The following POU6F2 variants were observed in gnomAD, a reference collection of about 807,000 sequenced individuals.
POU6F2 encodes POU class 6 homeobox 2.
Under a neutral mutation model 71.3 loss-of-function variants are expected in POU6F2, and 31 were observed. The observed-to-expected ratio is 0.43, with a 90% CI of 0.33 to 0.59. The LOEUF is 0.59. Ranked by LOEUF, POU6F2 falls within the 20% of genes least tolerant of loss-of-function variation. The pLI is 0.04. For synonymous variants in POU6F2, 347 were observed against 355.7 expected (o/e 0.98, Z 0.27); for missense variants, 783 against 856.8 (o/e 0.91, Z 1.07).
At position 39,433,263 on chromosome 7, in the gene POU6F2, C is replaced by A. The variant is rs776286035; in HGVS notation, c.1300C>A (p.Pro434Thr). 1 of 1,613,972 alleles carries A rather than the reference C, an allele frequency of 6.2e-7. No homozygotes were observed. The highest frequency in any genetic ancestry group is 1.1e-5 in the South Asian group (1 of 91,082). Residue 434 changes from proline to threonine, a missense_variant, in exon 7 of 10, where the codon CCC becomes ACC. By Grantham distance (38) the Pro-to-Thr change is conservative. This residue lies in a region of POU6F2 where 572 missense variants were observed against 572.9 expected (regional missense o/e 1.00). Transcript: ENST00000518318. ...CAACACCCAGGGCATCACGCTGTCA[C>A]CCATCAAGCCCGGCCAGCAGGTAAA... The part of the protein sequence containing the change: ...VINTQGITLS[P>T]IKPGQQLHQP...
At chr7:39,432,466 G>A (rs1472760357) in intron 6 of POU6F2, among the ~76,000 whole-genome samples, 3 of 152,186 alleles carry the variant, frequency 2.0e-5, no homozygotes, top group Non-Finnish European at 4.4e-5. Flanking sequence ...GCCACAGTCA[G>A]TAAGTGGCAC....
rs540536904 is a variant in POU6F2, at chr7:39,127,936, G to C, written c.277+41905G>C. On this transcript the variant is annotated intron_variant, in intron 2 of 9. Coordinates refer to ENST00000518318, the MANE Select transcript of POU6F2 (RefSeq NM_001370959.1). ...CTGCTCACTGCAAACTCTGCCTCCC[G>C]GGTTCACGGCATTCTCCTGCCTCAG... Among the ~76,000 whole-genome samples the C allele has an allele frequency of 4.9e-3, 705 of 144,010 alleles. 1 individual carries two copies. Among genetic ancestry groups the C allele is most frequent in the Non-Finnish European group, 7.9e-3 (529 of 66,992 alleles). 94.5% of individuals were successfully genotyped at this position (144,010 alleles called of 152,430 possible).
At chr7:39,141,726 T>A (rs1290252424) in intron 2 of POU6F2, among the ~76,000 whole-genome samples, 1 of 152,200 alleles carries the variant, frequency 6.6e-6, no homozygotes, top group Non-Finnish European at 1.5e-5. Flanking sequence ...GTATTATTTT[T>A]AAAAAAGATG....
intron 4 of POU6F2, among the ~76,000 whole-genome samples, chr7:39,334,359 T>C (rs112232138): frequency 0.028 from 4,224 of 152,200 alleles, 184 homozygotes; most frequent in African/African-American, 0.089. Flanking sequence ...ACAGGGAGGA[T>C]TGGAGGCATA....
At chr7:39,164,238 G>A (rs1403548639) in intron 2 of POU6F2, among the ~76,000 whole-genome samples, 1 of 150,958 alleles carries the variant, frequency 6.6e-6, no homozygotes, top group Non-Finnish European at 1.5e-5. Flanking sequence ...ATAAATAATA[G>A]TAAGTTTCAA....
At chr7:39,413,092 C>A (rs1224005730) in intron 6 of POU6F2, among the ~76,000 whole-genome samples, 3 of 151,602 alleles carry the variant, frequency 2.0e-5, no homozygotes, top group Non-Finnish European at 4.4e-5. Context: ...GCGTGAGCCA[C>A]CGCGCCCGGC....
chr7:39,410,755 A>C (rs1787534706), intron 6 of POU6F2, among the ~76,000 whole-genome samples: 1 of 152,224 alleles, frequency 6.6e-6, no homozygotes, highest in Non-Finnish European at 1.5e-5. Flanking sequence ...AAATGATTGC[A>C]TAATTATCAT....
chr7:39,251,682 C>A (rs924702902), intron 4 of POU6F2, among the ~76,000 whole-genome samples: 1 of 152,164 alleles, frequency 6.6e-6, no homozygotes, highest in African/African-American at 2.4e-5. Flanking sequence ...TTCTGAGACT[C>A]CTCTCCTCAT....
intron 5 of POU6F2, among the ~76,000 whole-genome samples, chr7:39,386,301 T>C (rs561038362): frequency 1.5e-4 from 23 of 151,648 alleles, no homozygotes; most frequent in Non-Finnish European, 3.1e-4. Flanking sequence ...TCCATTAACA[T>C]CCTACACACT....
chr7:39,073,602 T>C (rs2128718564), intron 1 of POU6F2, among the ~76,000 whole-genome samples: 1 of 151,674 alleles, frequency 6.6e-6, no homozygotes, highest in East Asian at 1.9e-4. Context: ...TAAAGGAGAG[T>C]GGATTACAAG....
rs185936980 is a variant in POU6F2 at position 39,196,782 on chromosome 7, A to G, written c.278-7453A>G. The stretch of plus-strand genomic sequence containing the variant: ...TCAAGAAAAAAAAAAAGAAAAAAGA[A>G]TTTGCACTGATTTAGAAAAGCAACT... On this transcript the variant is annotated intron_variant, in intron 2 of 9. Coordinates refer to ENST00000518318, the MANE Select transcript of POU6F2 (RefSeq NM_001370959.1). 1.8e-3 allele frequency among the ~76,000 whole-genome samples: 278 copies of G among 152,304 alleles called. 4 individuals carry two copies. The highest frequency in any genetic ancestry group is 6.3e-3 in the African/African-American group (264 of 41,576).
intron 5 of POU6F2, among the ~76,000 whole-genome samples, chr7:39,373,014 G>T (rs1307128526): frequency 1.3e-5 from 2 of 152,152 alleles, no homozygotes; most frequent in Non-Finnish European, 2.9e-5. Context: ...GACTGCTTGG[G>T]TTTGAATTCT....
chr7:38,985,657 C>A (rs1788444930), intron 1 of POU6F2, among the ~76,000 whole-genome samples: 1 of 152,058 alleles, frequency 6.6e-6, no homozygotes, highest in African/African-American at 2.4e-5. Flanking sequence ...TTGAAAATTT[C>A]TCTCTGTTCA....
chr7:39,077,646 A>T (rs1791027356), intron 1 of POU6F2, among the ~76,000 whole-genome samples: 1 of 152,332 alleles, frequency 6.6e-6, no homozygotes, highest in East Asian at 1.9e-4. Context: ...CTGAGGTTCA[A>T]CAAAAAGACA....
At chr7:38,989,837 G>A (rs1788560387) in intron 1 of POU6F2, among the ~76,000 whole-genome samples, 1 of 151,324 alleles carries the variant, frequency 6.6e-6, no homozygotes. Flanking sequence ...TTGTGTGTGT[G>A]TGTGTGTGTG....
intron 1 of POU6F2, among the ~76,000 whole-genome samples, chr7:38,979,860 A>G (rs1337235576): frequency 3.3e-5 from 5 of 150,790 alleles, no homozygotes; most frequent in Admixed American, 6.6e-5. Context: ...CTTTTTCTAT[A>G]TATTTCTGGT....
chr7:39,183,675 A>T (rs1217328434), intron 2 of POU6F2, among the ~76,000 whole-genome samples: 1 of 152,216 alleles, frequency 6.6e-6, no homozygotes, highest in Non-Finnish European at 1.5e-5. Flanking sequence ...ATTGTCTTCC[A>T]CAAAACTGGT....
At chr7:39,315,782 A>G (rs1440484176) in intron 4 of POU6F2, among the ~76,000 whole-genome samples, 2 of 152,238 alleles carry the variant, frequency 1.3e-5, no homozygotes, top group Non-Finnish European at 2.9e-5. Context: ...TTTCGACTTC[A>G]TGGGTGACAC....
At position 39,460,441 on chromosome 7, in the gene POU6F2, A is replaced by G. The variant is rs2116161856; in HGVS notation, c.1490-106A>G. On this transcript the variant is annotated intron_variant, in intron 8 of 9. Coordinates refer to ENST00000518318, the MANE Select transcript of POU6F2 (RefSeq NM_001370959.1). This position sits in a 1 kb window ranked among gnomAD's most constrained non-coding sequence, Gnocchi z 4.4. Reference sequence around the variant, plus strand: ...AACATTCTCTGAGGTTGGTTTCCTCACTGCTCTGCTGTTAAAGAGAGCCAC... The same window carrying G: ...AACATTCTCTGAGGTTGGTTTCCTCGCTGCTCTGCTGTTAAAGAGAGCCAC... 7.6e-7 allele frequency: 1 copy of G among 1,316,798 alleles called. No homozygotes were observed. The highest frequency in any genetic ancestry group is 1.1e-6 in the Non-Finnish European group (1 of 951,028). 81.6% of individuals were successfully genotyped at this position (1,316,798 alleles called of 1,614,324 possible).
Sources: allele counts gnomAD v4.1 joint callset (sites outside exome capture counted in the v4.1 genomes callset), GRCh38; gene constraint gnomAD v4.1.1; regional missense constraint gnomAD v4.1.1; non-coding constraint Gnocchi (gnomAD v3.1); transcripts MANE v1.5; gene names NCBI Gene and HGNC (gene_info 2026-07-23, HGNC 2026-07-21).